Variants in RTCA observed in about 807,000 individuals in gnomAD.
RTCA encodes the protein RNA terminal phosphate cyclase domain 1.
RTCA carries 37 observed loss-of-function variants against 46.1 expected under a neutral mutation model. The observed-to-expected ratio is 0.80, with a 90% CI of 0.62 to 1.06. The LOEUF is 1.06. Ranked by LOEUF, RTCA falls within the 50% of genes least tolerant of loss-of-function variation. The pLI is 0.00. For synonymous variants in RTCA, 164 were observed against 158.3 expected, an observed-to-expected ratio of 1.04 and a Z score of -0.27; for missense variants, 435 against 455.5, an observed-to-expected ratio of 0.95 and a Z score of 0.41.
chr1:100,287,284 T>A, intron 10 of RTCA, 81 bp downstream of exon 10: 1 of 949,984 alleles, frequency 1.1e-6, no homozygotes. Flanking sequence ...ATAGGAAACT[T>A]AATAGTAATC....
rs1335078317 is a variant in RTCA at position 100,268,142 on chromosome 1, T to C, written c.147-10T>C. On this transcript the variant is annotated splice_polypyrimidine_tract_variant and intron_variant, in intron 2 of 10. Coordinates refer to ENST00000370128, the MANE Select transcript of RTCA (RefSeq NM_003729.4). ...ATGCACACGTTTTGATGCAGTATTA[T>C]GACCTGAAGGCCTCAACATTTATCT... The C allele has an allele frequency of 3.7e-6, 6 of 1,614,060 alleles. No homozygotes were observed. In the Admixed American group the frequency reaches 5.0e-5, roughly 13 times the overall value.
At position 100,285,288 on chromosome 1, in the gene RTCA, A is replaced by G. The variant is rs774049787; in HGVS notation, c.860A>G (p.His287Arg). The G allele has an allele frequency of 3.1e-6, 5 of 1,613,730 alleles. No individual in the cohort carries two copies. The highest frequency in any genetic ancestry group is 1.3e-5 in the African/African-American group (1 of 74,914). Residue 287 changes from histidine (H) to arginine (R), a missense_variant, in exon 9 of 11, where the codon CAT (histidine) becomes CGT (arginine). By Grantham distance (29) the His-to-Arg change is conservative. Coordinates refer to ENST00000370128, the MANE Select transcript of RTCA (RefSeq NM_003729.4). ...GAAATGCTATTAGCAAATCTTAGAC[A>G]TGGTGGTACTGTGGATGAGTATCTG... ...AAEMLLANLR[H>R]GGTVDEYLQD...
Position 100,266,610 on chromosome 1 carries a change from C to T in RTCA, c.132C>T (p.Ser44=). ...TGCAGAAGATCCGAGCCGGCCGGAG[C>T]ACGCCAGGCCTGAGGTAAATCTGGC... ...LRVQKIRAGR[S]TPGLRPQHLS... The change falls in exon 2 of 11, where the codon AGC becomes AGT. Residue 44 remains serine, a synonymous_variant. Transcript: ENST00000370128. The T allele has an allele frequency of 1.9e-6, 3 of 1,612,408 alleles. No homozygotes were observed. The highest frequency in any genetic ancestry group is 2.5e-6 in the Non-Finnish European group (3 of 1,179,016).
At position 100,274,968 on chromosome 1, in the gene RTCA, A is replaced by G. The variant is rs760838243; in HGVS notation, c.615+3A>G. 17 of 1,602,466 alleles carry G rather than the reference A, an allele frequency of 1.1e-5. No homozygotes were observed. Among genetic ancestry groups the G allele is most frequent in the Non-Finnish European group, 1.7e-6 (2 of 1,171,892 alleles). On this transcript the variant is annotated splice_donor_region_variant and intron_variant, in intron 6 of 10. Transcript: ENST00000370128. ...TTGCTGGTGTTTTGCCATTTAAAGT[A>G]AGTTGTTTAGATGTTCTTAGAAATA...
chr1:100,267,141 G>T (rs17122111), intron 2 of RTCA: 5,813 of 242,860 alleles, frequency 0.024, 345 homozygotes, highest in African/African-American at 0.12. Context: ...CTTGACATTT[G>T]ACCTTATTTC....
Position 100,287,116 on chromosome 1 carries a change from A to G in RTCA, c.912A>G (p.Ala304=). Residue 304 remains alanine, a synonymous_variant, in exon 10 of 11, where the codon GCA becomes GCG. Coordinates refer to ENST00000370128, the MANE Select transcript of RTCA (RefSeq NM_003729.4). ...TTAAATAGCTGATTGTTTTCATGGC[A>G]TTAGCCAATGGAGTTTCCAGAATAA... is the stretch of plus-strand genomic sequence containing the variant. ...YLQDQLIVFM[A]LANGVSRIKT... 1 of 1,569,638 alleles carries G rather than the reference A, an allele frequency of 6.4e-7. No individual in the cohort carries two copies. The highest frequency in any genetic ancestry group is 8.6e-7 in the Non-Finnish European group (1 of 1,162,608).
intron 10 of RTCA, among the ~76,000 whole-genome samples, chr1:100,290,504 C>T (rs1405960302): frequency 6.6e-6 from 1 of 152,220 alleles, no homozygotes; most frequent in African/African-American, 2.4e-5. Flanking sequence ...GGCACAATGA[C>T]TCATGCCTGT....
At chr1:100,273,887 T>G (rs912058828) in intron 5 of RTCA, among the ~76,000 whole-genome samples, 21 of 152,230 alleles carry the variant, frequency 1.4e-4, no homozygotes, top group African/African-American at 5.1e-4. Flanking sequence ...ACACAATCAC[T>G]AGGCCATATT....
At chr1:100,281,087 CA>C (rs1666680626) in intron 8 of RTCA, among the ~76,000 whole-genome samples, 2 of 152,198 alleles carry the variant, frequency 1.3e-5, no homozygotes, top group Non-Finnish European at 1.5e-5. Context: ...GGCTGCTTGT[CA>C]ATACCACCAT....
At chr1:100,285,626 T>G (rs1229135889) in intron 9 of RTCA, among the ~76,000 whole-genome samples, 1 of 152,190 alleles carries the variant, frequency 6.6e-6, no homozygotes, top group African/African-American at 2.4e-5. Flanking sequence ...GCTAGTTTAT[T>G]ATGGTTTTCA....
rs185761403 is a variant in RTCA, at chr1:100,276,037, G to A, written c.740+314G>A. On this transcript the variant is annotated intron_variant, in intron 7 of 10. Transcript: ENST00000370128. ...TTTTTAGTAGAGACAGGGTTTCACC[G>A]TGTTAGCCAGGGTGGTCTTGATCTC... Among the ~76,000 whole-genome samples, 448 of 151,878 alleles carry A rather than the reference G, an allele frequency of 2.9e-3. 2 individuals carry two copies. The highest frequency in any genetic ancestry group is 9.9e-3 in the African/African-American group (409 of 41,420).
At chr1:100,274,529 A>G (rs554971706) in intron 5 of RTCA, among the ~76,000 whole-genome samples, 2 of 152,356 alleles carry the variant, frequency 1.3e-5, no homozygotes, top group African/African-American at 4.8e-5. Flanking sequence ...TATGGTAGTC[A>G]CTAGCCAAAT....
At chr1:100,290,650 C>T (rs951252276) in intron 10 of RTCA, among the ~76,000 whole-genome samples, 2 of 152,088 alleles carry the variant, frequency 1.3e-5, no homozygotes, top group African/African-American at 4.8e-5. Flanking sequence ...CCTGTGGTCC[C>T]AGCTACACTG....
chr1:100,274,577 G>A (rs1399736023), intron 5 of RTCA, among the ~76,000 whole-genome samples: 1 of 152,118 alleles, frequency 6.6e-6, no homozygotes, highest in Non-Finnish European at 1.5e-5. Context: ...TAGTGCAGCT[G>A]GGGAGCTGAT....
chr1:100,267,696 C>T (rs1665869172), intron 2 of RTCA, among the ~76,000 whole-genome samples: 1 of 151,130 alleles, frequency 6.6e-6, no homozygotes, highest in Non-Finnish European at 1.5e-5. Context: ...GTATGGTGGC[C>T]TTATTTTAAC....
At chr1:100,273,330 A>T in intron 4 of RTCA, 64 bp from the exon 5 acceptor site, 3 of 1,108,518 alleles carry the variant, frequency 2.7e-6, no homozygotes, top group Non-Finnish European at 3.9e-6. Flanking sequence ...TTTGTTTAAT[A>T]AATACACTTG....
intron 10 of RTCA, among the ~76,000 whole-genome samples, chr1:100,288,771 A>G (rs1311099159): frequency 1.3e-5 from 2 of 152,126 alleles, no homozygotes; most frequent in Non-Finnish European, 2.9e-5. Context: ...TGTCCCATAC[A>G]CAAAACCACT....
chr1:100,286,657 T>G (rs565253249), intron 9 of RTCA, among the ~76,000 whole-genome samples: 1 of 152,230 alleles, frequency 6.6e-6, no homozygotes, highest in Non-Finnish European at 1.5e-5. Context: ...TTTCTTGACC[T>G]GTTTCTTAAG....
chr1:100,291,649 T>G lies in RTCA; in HGVS notation c.*145T>G. 2.1e-6 allele frequency: 1 copy of G among 478,982 alleles called. No individual in the cohort carries two copies. Among genetic ancestry groups the G allele is most frequent in the Non-Finnish European group, 3.7e-6 (1 of 269,836 alleles). The allele number at this position is 478,982 out of a possible 1,614,324, so 29.7% of individuals were successfully genotyped here. A position where few individuals can be genotyped will look rare whatever the true frequency, so the allele number is the denominator to read the frequency against. On this transcript the variant is annotated 3_prime_UTR_variant, in exon 11 of 11. Transcript: ENST00000370128. Reference sequence around the variant, plus strand: ...GTGTTCTAGGTTTGCTGAGAAGGCTTCATTAAATTAATCTCACTTTGAATA... The same window carrying G: ...GTGTTCTAGGTTTGCTGAGAAGGCTGCATTAAATTAATCTCACTTTGAATA...
Sources: gnomAD v4.1 joint callset for allele counts (sites outside exome capture counted in the v4.1 genomes callset) on GRCh38, gnomAD v4.1.1 for gene constraint, MANE v1.5 for transcripts, NCBI Gene and HGNC (gene_info 2026-07-23, HGNC 2026-07-21) for gene names.